The following DRP2 variants were observed in gnomAD, a reference collection of about 807,000 sequenced individuals.
DRP2 encodes dystrophin-related protein 2.
In DRP2, 29 loss-of-function variants were observed where a neutral mutation model predicts 78.2. That is an observed-to-expected ratio of 0.37 (90% CI 0.28 to 0.51). DRP2 has a LOEUF of 0.51. Among genes scored for constraint, DRP2 ranks in the 20% least tolerant of loss-of-function variants. The pLI, the probability that DRP2 is intolerant of heterozygous loss-of-function variation, is 0.94. For missense variants in DRP2, 686 were observed against 770.6 expected (o/e 0.89, Z 1.30); for synonymous variants, 290 against 281.9 (o/e 1.03, Z -0.29).
chrX:101,263,026 T>C lies in DRP2; in HGVS notation c.*2405T>C, dbSNP rs1923618263. 9.0e-6 allele frequency: 1 copy of C among 110,661 alleles called. No individual in the cohort carries two copies. Among genetic ancestry groups the C allele is most frequent in the African/African-American group, 3.3e-5 (1 of 30,326 alleles). The allele number at this position is 110,661 out of a possible 1,213,427, so 9.1% of individuals were successfully genotyped here. On this transcript the variant is annotated 3_prime_UTR_variant, in exon 24 of 24. Coordinates refer to ENST00000395209, the MANE Select transcript of DRP2 (RefSeq NM_001939.3). ...CATGGTAGAAAAGATGTAGATCTTGTTATGTAGGATTTGCGTTGTAGGTGG... is the reference window on the plus strand; with the variant it reads ...CATGGTAGAAAAGATGTAGATCTTGCTATGTAGGATTTGCGTTGTAGGTGG...
chrX:101,243,071 C>A (rs1343042896), intron 9 of DRP2, 89 bp downstream of exon 9: 2 of 814,899 alleles, frequency 2.5e-6, no homozygotes, highest in Non-Finnish European at 3.6e-6. Context: ...CTGGTGGGAG[C>A]CCAGTATACC....
Position 101,231,572 on chromosome X carries a change from A to G in DRP2, c.-63-13A>G. 1.1e-6 allele frequency: 1 copy of G among 887,952 alleles called. No individual in the cohort carries two copies. Among genetic ancestry groups the G allele is most frequent in the Non-Finnish European group, 1.7e-6 (1 of 600,338 alleles). 73.2% of individuals were successfully genotyped at this position (887,952 alleles called of 1,213,427 possible). Reference sequence around the variant, plus strand: ...AGGTCTTGACTCGAAATCTCTCTGTATTGCTTTTCCAGGTGCTTAATGATC... The same window carrying G: ...AGGTCTTGACTCGAAATCTCTCTGTGTTGCTTTTCCAGGTGCTTAATGATC... On this transcript the variant is annotated splice_polypyrimidine_tract_variant and intron_variant, in intron 2 of 23. Transcript: ENST00000395209.
At position 101,237,599 on chromosome X, in the gene DRP2, G is replaced by T; in HGVS notation, c.282-20G>T. The stretch of plus-strand genomic sequence containing the variant: ...TTAAAAAGAAGACTGAACATCACTG[G>T]TTTTACTCATTGTGTGCAGCGCTCG... On this transcript the variant is annotated intron_variant, in intron 4 of 23. Transcript: ENST00000395209. 1 of 1,059,583 alleles carries T rather than the reference G, an allele frequency of 9.4e-7. No individual in the cohort carries two copies. Among genetic ancestry groups the T allele is most frequent in the Non-Finnish European group, 1.2e-6 (1 of 810,105 alleles). 87.3% of individuals were successfully genotyped at this position (1,059,583 alleles called of 1,213,427 possible).
chrX:101,224,191 G>GTTTTGTTTTGTTTTTTTTTTTTT (rs1922007763), intron 1 of DRP2, among the ~76,000 whole-genome samples: 1 of 38,864 alleles, frequency 2.6e-5, no homozygotes, highest in African/African-American at 1.3e-4. Context: ...GGTTTTTTTT[G>GTTTTGTTTTGTTTTTTTTTTTTT]TTTTTTTTTT....
At chrX:101,223,524 A>G (rs1921964867) in intron 1 of DRP2, among the ~76,000 whole-genome samples, 1 of 111,685 alleles carries the variant, frequency 9.0e-6, no homozygotes, top group Non-Finnish European at 1.9e-5. Flanking sequence ...GACAATTTCT[A>G]CTGGGTAAAT....
At chrX:101,220,360 A>G (rs1921852122) in intron 1 of DRP2, among the ~76,000 whole-genome samples, 1 of 106,379 alleles carries the variant, frequency 9.4e-6, no homozygotes, top group Admixed American at 1.0e-4. Flanking sequence ...TTAGTGGAAA[A>G]CTTGCATTTA....
At chrX:101,239,692 C>G (rs1412009337) in intron 6 of DRP2, among the ~76,000 whole-genome samples, 1 of 111,713 alleles carries the variant, frequency 9.0e-6, no homozygotes, top group African/African-American at 3.3e-5. Context: ...ATTCTCCTGC[C>G]TCAGCCTCCC....
rs1196334981 is a variant in DRP2, at chrX:101,224,181, GGTTTTTTTTGTTTTTTT to G, written c.-166-422_-166-406del. Among the ~76,000 whole-genome samples, 26 of 47,654 alleles carry G rather than the reference GGTTTTTTTTGTTTTTTT, an allele frequency of 5.5e-4. 2 individuals are homozygous for G. The highest frequency in any genetic ancestry group is 1.1e-3 in the African/African-American group (9 of 8,180). The allele number at this position is 47,654 out of a possible 115,157, so 41.4% of individuals were successfully genotyped here. ...TCCCAAGAATAATAAATGTTTGCTG[GGTTTTTTTTGTTTTTTT>G]TTTTTTTTTTTTTTTTTTTTTTTGA... On this transcript the variant is annotated intron_variant, in intron 1 of 23. Transcript: ENST00000395209.
intron 15 of DRP2, 36 bp from the exon 16 acceptor site, chrX:101,250,881 C>T: frequency 8.3e-7 from 1 of 1,200,730 alleles, no homozygotes; most frequent in South Asian, 1.8e-5. Context: ...ACACTTTGGG[C>T]CTCAGTCATT....
chrX:101,220,282 T>TGCGC (rs1209542064), intron 1 of DRP2, 136 bp downstream of exon 1: 19 of 81,106 alleles, frequency 2.3e-4, no homozygotes, highest in Non-Finnish European at 3.8e-4. Flanking sequence ...TGAGTGTGTG[T>TGCGC]GTGCGTGTGT....
At chrX:101,230,468 G>A (rs1478315201) in intron 2 of DRP2, among the ~76,000 whole-genome samples, 3 of 111,578 alleles carry the variant, frequency 2.7e-5, no homozygotes, top group African/African-American at 9.8e-5. Context: ...AGAGGTTGCA[G>A]TGAGCTGAGA....
chrX:101,229,122 T>C (rs1161160420), intron 2 of DRP2, among the ~76,000 whole-genome samples: 1 of 112,472 alleles, frequency 8.9e-6, no homozygotes, highest in African/African-American at 3.2e-5. Flanking sequence ...TTTATTTTCA[T>C]CCTTATTATT....
rs1332863136 is a variant in DRP2 at position 101,264,184 on chromosome X, G to GC, written c.*3564dup. On this transcript the variant is annotated 3_prime_UTR_variant, in exon 24 of 24. Coordinates refer to ENST00000395209, the MANE Select transcript of DRP2 (RefSeq NM_001939.3). ...GGAGAAGGAAAGGCTCAAGGCCAGG[G>GC]CTCAGCTCGCAGAGTCCATCTTCTC... 2 of 112,157 alleles carry GC rather than the reference G, an allele frequency of 1.8e-5. No individual in the cohort carries two copies. The highest frequency in any genetic ancestry group is 6.5e-5 in the African/African-American group (2 of 30,858). The allele number at this position is 112,157 out of a possible 1,213,427, so 9.2% of individuals were successfully genotyped here.
chrX:101,250,654 C>T (rs901840077), intron 15 of DRP2, 74 bp downstream of exon 15: 14 of 1,117,458 alleles, frequency 1.3e-5, no homozygotes, highest in African/African-American at 5.5e-5. Flanking sequence ...AGGAGGACTA[C>T]GAGCTAGGCT....
At chrX:101,231,459 G>A in intron 2 of DRP2, 126 bp from the exon 3 acceptor site, 1 of 494,756 alleles carries the variant, frequency 2.0e-6, no homozygotes, top group Non-Finnish European at 3.6e-6. Context: ...GGTACATGGT[G>A]GCCTGGGTAG....
intron 5 of DRP2, 112 bp from the exon 6 acceptor site, chrX:101,238,869 T>C: frequency 1.0e-6 from 1 of 980,192 alleles, no homozygotes; most frequent in Non-Finnish European, 1.4e-6. Context: ...TACCTGATAA[T>C]GCCAAAGAAT....
chrX:101,248,129 T>G lies in DRP2; in HGVS notation c.1293T>G (p.Asn431Lys). 1 of 1,211,723 alleles carries G rather than the reference T, an allele frequency of 8.3e-7. No homozygotes were observed. Among genetic ancestry groups the G allele is most frequent in the Non-Finnish European group, 1.1e-6 (1 of 895,487 alleles). Residue 431 changes from asparagine to lysine, a missense_variant, in exon 13 of 24, where the codon AAT (asparagine) becomes AAG (lysine). By Grantham distance (94) the Asn-to-Lys change is moderately conservative. This residue lies in a region of DRP2 where 423 missense variants were observed against 531.5 expected (regional missense o/e 0.80). Coordinates refer to ENST00000395209, the MANE Select transcript of DRP2 (RefSeq NM_001939.3). Reference protein sequence around the residue: ...VTLTTALEIFNEHDLQASEHV... With the variant: ...VTLTTALEIFKEHDLQASEHV... ...TAACCACAGCCCTGGAAATCTTCAA[T>G]GAGCATGATCTGCAGGCCAGTGAGC...
At chrX:101,259,340 G>GAT (rs1049535428) in intron 22 of DRP2, among the ~76,000 whole-genome samples, 3 of 111,481 alleles carry the variant, frequency 2.7e-5, no homozygotes, top group African/African-American at 9.8e-5. Flanking sequence ...GGCCTCTATG[G>GAT]ATTCCTGGAG....
intron 17 of DRP2, among the ~76,000 whole-genome samples, chrX:101,253,183 C>T (rs5967278): frequency 0.36 from 40,025 of 109,869 alleles, 5,376 homozygotes; most frequent in Middle Eastern, 0.46. Context: ...AAAGCTTATG[C>T]TCAAATTAAT....
Sources: gnomAD v4.1 joint callset for allele counts (sites outside exome capture counted in the v4.1 genomes callset) on GRCh38, gnomAD v4.1.1 for gene constraint, gnomAD v4.1.1 regional missense constraint, MANE v1.5 for transcripts, NCBI Gene and HGNC (gene_info 2026-07-23, HGNC 2026-07-21) for gene names.